CHRM3: variants seen among roughly 807,000 people sequenced by gnomAD.
The protein encoded by CHRM3 is cholinergic receptor muscarinic 3.
CHRM3 carries 11 observed loss-of-function variants against 41.8 expected under a neutral mutation model. The ratio of observed to expected loss-of-function variants is 0.26; its 90% confidence interval spans 0.17 to 0.44. The LOEUF is 0.44. Among genes scored for constraint, CHRM3 ranks in the 20% least tolerant of loss-of-function variants. The pLI is 1.00. For missense variants in CHRM3, 571 were observed against 745.4 expected (o/e 0.77, Z 2.72); for synonymous variants, 297 against 301.4 (o/e 0.99, Z 0.15).
At chr1:239,590,546 A>G (rs1217766872) in intron 3 of CHRM3, among the ~76,000 whole-genome samples, 2 of 152,174 alleles carry the variant, frequency 1.3e-5, no homozygotes, top group African/African-American at 4.8e-5. Flanking sequence ...TAATTTTTTA[A>G]AAAGTCTTTA....
At chr1:239,889,457 C>G (rs906192179) in intron 6 of CHRM3, among the ~76,000 whole-genome samples, 3 of 152,106 alleles carry the variant, frequency 2.0e-5, no homozygotes, top group Non-Finnish European at 2.9e-5. Flanking sequence ...CTAGGTAGCC[C>G]TTTTCTATTG....
chr1:239,404,424 AAGAAAGAAAGAAAGAAAG>A (rs1660364670), intron 1 of CHRM3, among the ~76,000 whole-genome samples: 1 of 104,832 alleles, frequency 9.5e-6, no homozygotes, highest in African/African-American at 3.8e-5. Context: ...GAAAGAAAGA[AAGAAAGAAAGAAAGAAAG>A]AAAGAAAGAA....
chr1:239,842,285 G>C (rs1421927302), intron 6 of CHRM3, among the ~76,000 whole-genome samples: 1 of 150,882 alleles, frequency 6.6e-6, no homozygotes, highest in East Asian at 2.0e-4. Flanking sequence ...GCAGTGATGA[G>C]ATCTCAGCTC....
chr1:239,836,198 A>G (rs1385910487), intron 6 of CHRM3, among the ~76,000 whole-genome samples: 5 of 152,212 alleles, frequency 3.3e-5, no homozygotes, highest in Admixed American at 3.3e-4. Flanking sequence ...TTCAGAGAAC[A>G]GCAGGAAATG....
intron 5 of CHRM3, among the ~76,000 whole-genome samples, chr1:239,778,122 A>G (rs1391574859): frequency 6.6e-6 from 1 of 152,172 alleles, no homozygotes; most frequent in Non-Finnish European, 1.5e-5. Context: ...TTTTTTTAAA[A>G]AGAAAAGAAA....
intron 5 of CHRM3, among the ~76,000 whole-genome samples, chr1:239,756,863 AT>A (rs2148619416): frequency 2.0e-5 from 3 of 152,328 alleles, no homozygotes; most frequent in African/African-American, 7.2e-5. Flanking sequence ...AATGCTTTGC[AT>A]AATAATTTTG....
chr1:239,899,094 C>T (rs73114852), intron 6 of CHRM3, among the ~76,000 whole-genome samples: 17,096 of 152,026 alleles, frequency 0.11, 1,188 homozygotes, highest in African/African-American at 0.19. Context: ...ATACATTGTA[C>T]GTACATCATG....
intron 5 of CHRM3, among the ~76,000 whole-genome samples, chr1:239,770,982 G>A (rs1667614588): frequency 6.6e-6 from 1 of 151,862 alleles, no homozygotes; most frequent in Admixed American, 6.6e-5. Flanking sequence ...CAGCTACTAT[G>A]GAGGCTGAGG....
intron 2 of CHRM3, among the ~76,000 whole-genome samples, chr1:239,501,880 G>A (rs1004995297): frequency 1.3e-5 from 2 of 151,958 alleles, no homozygotes; most frequent in Non-Finnish European, 1.5e-5. Context: ...TGAACTGAAC[G>A]ACAGTAATGA....
chr1:239,770,594 G>A (rs1193573945), intron 5 of CHRM3, among the ~76,000 whole-genome samples: 3 of 152,146 alleles, frequency 2.0e-5, no homozygotes, highest in African/African-American at 7.2e-5. Context: ...GGGAATGAAG[G>A]AAAGGACTGA....
At chr1:239,524,149 A>G (rs547853566) in intron 2 of CHRM3, among the ~76,000 whole-genome samples, 45 of 152,234 alleles carry the variant, frequency 3.0e-4, no homozygotes, top group Admixed American at 8.5e-4. Context: ...TGTTAATTCT[A>G]GATCTTTACA....
chr1:239,480,543 A>ATTTTTTTTT (rs745979239), intron 1 of CHRM3, among the ~76,000 whole-genome samples: 10 of 110,720 alleles, frequency 9.0e-5, no homozygotes, highest in African/African-American at 1.6e-4. Context: ...CGATAGCCCA[A>ATTTTTTTTT]TTTTTTTTTT....
chr1:239,572,766 A>G (rs1006733188), intron 3 of CHRM3, among the ~76,000 whole-genome samples: 1 of 152,218 alleles, frequency 6.6e-6, no homozygotes, highest in Admixed American at 6.5e-5. Flanking sequence ...GTGATATGGG[A>G]TGCATATGAA....
At chr1:239,886,273 T>C (rs1396870492) in intron 6 of CHRM3, 1 of 152,152 alleles carries the variant, frequency 6.6e-6, no homozygotes, top group Non-Finnish European at 1.5e-5. Context: ...CCTTGAGTCA[T>C]GGATGACCGA....
chr1:239,655,029 TA>T (rs1312136034), intron 4 of CHRM3, among the ~76,000 whole-genome samples: 3 of 152,226 alleles, frequency 2.0e-5, no homozygotes, highest in African/African-American at 7.2e-5. Context: ...CATCTTTAGA[TA>T]TGTTTTTTAT....
At chr1:239,637,208 G>C (rs967756006) in intron 4 of CHRM3, among the ~76,000 whole-genome samples, 1 of 151,754 alleles carries the variant, frequency 6.6e-6, no homozygotes, top group Non-Finnish European at 1.5e-5. Flanking sequence ...TCTTTTGTTT[G>C]GTTTTGTAAA....
intron 6 of CHRM3, among the ~76,000 whole-genome samples, chr1:239,901,817 T>G (rs1346747585): frequency 6.6e-6 from 1 of 152,204 alleles, no homozygotes; most frequent in Non-Finnish European, 1.5e-5. Flanking sequence ...TTAATAGCCT[T>G]GGGCGTGTCT....
intron 1 of CHRM3, among the ~76,000 whole-genome samples, chr1:239,403,975 G>GA (rs1558194586): frequency 1.5e-4 from 16 of 109,658 alleles, no homozygotes; most frequent in African/African-American, 4.6e-4. Flanking sequence ...GAGAGGGAGG[G>GA]GGAGAGAGAG....
intron 5 of CHRM3, chr1:239,714,125 GA>G (rs1662098941): frequency 6.6e-6 from 1 of 152,076 alleles, no homozygotes; most frequent in Non-Finnish European, 1.5e-5. Context: ...CCCATCTGAA[GA>G]ACTTCTGGAA....
Sources: allele counts gnomAD v4.1 joint callset (sites outside exome capture counted in the v4.1 genomes callset), GRCh38; gene constraint gnomAD v4.1.1; transcripts MANE v1.5; gene names NCBI Gene and HGNC (gene_info 2026-07-23, HGNC 2026-07-21).